Variants in PLCB1 observed in about 807,000 individuals in gnomAD.
PLCB1 encodes the protein phospholipase C beta 1.
In PLCB1, 46 loss-of-function variants were observed where a neutral mutation model predicts 161.8. The observed-to-expected ratio is 0.28, with a 90% confidence interval of 0.22 to 0.36. The LOEUF (loss-of-function observed/expected upper bound fraction) is 0.36. Among genes scored for constraint, PLCB1 ranks in the 10% least tolerant of loss-of-function variants. PLCB1 has a pLI of 1.00. For missense variants in PLCB1, 1,016 were observed against 1,472.5 expected (o/e 0.69, Z 5.07); for synonymous variants, 517 against 503.7 (o/e 1.03, Z -0.35).
intron 26 of PLCB1, among the ~76,000 whole-genome samples, chr20:8,773,257 G>A (rs139421390): frequency 3.8e-4 from 58 of 152,300 alleles, no homozygotes; most frequent in African/African-American, 1.3e-3. Flanking sequence ...GAAAAATATG[G>A]AGGCAGAGTC....
intron 31 of PLCB1, among the ~76,000 whole-genome samples, chr20:8,846,333 G>A (rs1240886748): frequency 6.6e-6 from 1 of 150,616 alleles, no homozygotes; most frequent in Admixed American, 6.6e-5. Flanking sequence ...CCAACACTGG[G>A]GATTACAATT....
intron 3 of PLCB1, among the ~76,000 whole-genome samples, chr20:8,507,655 T>A (rs994108791): frequency 2.6e-5 from 4 of 151,930 alleles, no homozygotes; most frequent in Non-Finnish European, 4.4e-5. Context: ...GCAATAAAAA[T>A]TTACAACAAG....
At chr20:8,291,597 A>G (rs1983385843) in intron 2 of PLCB1, among the ~76,000 whole-genome samples, 1 of 152,200 alleles carries the variant, frequency 6.6e-6, no homozygotes, top group South Asian at 2.1e-4. Flanking sequence ...ATATTTGGAA[A>G]TGTACATTCA....
At chr20:8,845,862 C>T (rs1454637636) in intron 31 of PLCB1, among the ~76,000 whole-genome samples, 2 of 152,162 alleles carry the variant, frequency 1.3e-5, no homozygotes, top group African/African-American at 4.8e-5. Flanking sequence ...TAATACAATA[C>T]GCATTAAGTA....
At chr20:8,648,196 A>C (rs1027524464) in intron 6 of PLCB1, among the ~76,000 whole-genome samples, 2 of 152,184 alleles carry the variant, frequency 1.3e-5, no homozygotes, top group Admixed American at 1.3e-4. Context: ...GGGTGGAGGA[A>C]GTGGAGGGAC....
At chr20:8,398,603 A>T (rs1391251322) in intron 3 of PLCB1, among the ~76,000 whole-genome samples, 2 of 152,176 alleles carry the variant, frequency 1.3e-5, no homozygotes, top group African/African-American at 4.8e-5. Flanking sequence ...CTTTTTCCAA[A>T]GACACTAATC....
At position 8,173,141 on chromosome 20, in the gene PLCB1, C is replaced by T. The variant is rs573066000; in HGVS notation, c.177+22770C>T. ...ACCAGGTTGTACCAGCAAAAGGGGG[C>T]CCATGCCCATGACAACAAGCAGCCT... On this transcript the variant is annotated intron_variant, in intron 2 of 31. Coordinates refer to ENST00000338037, the MANE Select transcript of PLCB1 (RefSeq NM_015192.4). Among the ~76,000 whole-genome samples the T allele has an allele frequency of 1.1e-4, 17 of 152,284 alleles. No individual in the cohort carries two copies. In the South Asian group the frequency reaches 3.3e-3, roughly 30 times the overall value.
intron 3 of PLCB1, among the ~76,000 whole-genome samples, chr20:8,415,554 G>T (rs899038175): frequency 1.5e-4 from 23 of 152,148 alleles, no homozygotes; most frequent in African/African-American, 5.6e-4. Context: ...AGCAGAGAAA[G>T]GAGAAAGGTC....
intron 3 of PLCB1, among the ~76,000 whole-genome samples, chr20:8,409,263 C>T (rs1183644814): frequency 6.6e-6 from 1 of 151,996 alleles, no homozygotes; most frequent in Non-Finnish European, 1.5e-5. Flanking sequence ...CAAGTAGGGT[C>T]TTGATGGAAT....
chr20:8,384,270 G>A (rs1055047027), intron 3 of PLCB1, among the ~76,000 whole-genome samples: 1 of 151,526 alleles, frequency 6.6e-6, no homozygotes, highest in African/African-American at 2.4e-5. Context: ...TTTCAGCAAG[G>A]TGGTCTTCAA....
intron 19 of PLCB1, 39 bp from the exon 20 acceptor site, chr20:8,736,988 CA>C (rs755736075): frequency 6.6e-7 from 1 of 1,514,454 alleles, no homozygotes; most frequent in South Asian, 1.1e-5. Context: ...ATTTGCATAT[CA>C]AAATTCCTTA....
chr20:8,314,814 C>T (rs1403667363), intron 2 of PLCB1, among the ~76,000 whole-genome samples: 1 of 152,092 alleles, frequency 6.6e-6, no homozygotes, highest in Non-Finnish European at 1.5e-5. Flanking sequence ...AGGTGAGTGA[C>T]CCTGGGCCTA....
intron 3 of PLCB1, among the ~76,000 whole-genome samples, chr20:8,481,556 G>A (rs375362924): frequency 2.0e-5 from 3 of 152,120 alleles, no homozygotes; most frequent in East Asian, 3.8e-4. Context: ...TTTTAAGCTT[G>A]TTCTGCCTTG....
At chr20:8,253,428 C>T (rs963950511) in intron 2 of PLCB1, among the ~76,000 whole-genome samples, 3 of 151,938 alleles carry the variant, frequency 2.0e-5, no homozygotes, top group African/African-American at 7.2e-5. Flanking sequence ...TATACCAATA[C>T]GAGACTGACA....
intron 1 of PLCB1, among the ~76,000 whole-genome samples, chr20:8,141,472 A>C (rs2051402300): frequency 6.6e-6 from 1 of 152,120 alleles, no homozygotes; most frequent in Admixed American, 6.5e-5. Flanking sequence ...AGAATACAAA[A>C]ATTAGCTGGG....
chr20:8,479,763 G>T (rs190400820), intron 3 of PLCB1, among the ~76,000 whole-genome samples: 1 of 152,286 alleles, frequency 6.6e-6, no homozygotes, highest in East Asian at 1.9e-4. Flanking sequence ...TGCTTGTGTG[G>T]TATGACTCCT....
At chr20:8,868,909 C>T (rs2146322329) in intron 31 of PLCB1, among the ~76,000 whole-genome samples, 1 of 152,206 alleles carries the variant, frequency 6.6e-6, no homozygotes, top group East Asian at 1.9e-4. Context: ...GCTGGGATTA[C>T]AGACGTGAGC....
At chr20:8,844,126 ATTAC>A (rs577986050) in intron 31 of PLCB1, among the ~76,000 whole-genome samples, 13 of 152,240 alleles carry the variant, frequency 8.5e-5, no homozygotes, top group Non-Finnish European at 1.6e-4. Flanking sequence ...TCTTCATAAA[ATTAC>A]TTTTTAAATG....
chr20:8,541,924 T>C (rs1985349697), intron 3 of PLCB1, among the ~76,000 whole-genome samples: 1 of 152,218 alleles, frequency 6.6e-6, no homozygotes, highest in Non-Finnish European at 1.5e-5. Flanking sequence ...CAAGGTGGTT[T>C]CAGCTAGCTG....
Sources: allele counts gnomAD v4.1 joint callset (sites outside exome capture counted in the v4.1 genomes callset), GRCh38; gene constraint gnomAD v4.1.1; transcripts MANE v1.5; gene names NCBI Gene and HGNC (gene_info 2026-07-23, HGNC 2026-07-21).